WLS: variants seen among roughly 807,000 people sequenced by gnomAD.
WLS encodes protein wntless homolog.
WLS carries 23 observed loss-of-function variants against 62.8 expected under a neutral mutation model. The observed-to-expected ratio is 0.37, with a 90% CI of 0.26 to 0.52. The LOEUF is 0.52. Ranked by LOEUF, WLS falls within the 20% of genes least tolerant of loss-of-function variation. The probability of loss-of-function intolerance (pLI) is 0.92; values close to 1 mark genes in which losing one functional copy is unlikely to be tolerated. For synonymous variants in WLS, 246 were observed against 244.1 expected, an observed-to-expected ratio of 1.01 and a Z score of -0.07; for missense variants, 615 against 697.3, an observed-to-expected ratio of 0.88 and a Z score of 1.33.
intron 11 of WLS, among the ~76,000 whole-genome samples, chr1:68,104,505 TATG>T (rs1222630444): frequency 2.4e-5 from 3 of 127,040 alleles, no homozygotes; most frequent in African/African-American, 8.3e-5. Flanking sequence ...TGCAATATCA[TATG>T]ATCCCTCCTA....
chr1:68,121,906 C>T (rs1338171465), downstream of WLS, among the ~76,000 whole-genome samples: 1 of 152,150 alleles, frequency 6.6e-6, no homozygotes, highest in Non-Finnish European at 1.5e-5. Flanking sequence ...CAGGGTTAGG[C>T]CATTATCTCT....
chr1:68,133,776 C>T (rs1387492689), intron 11 of WLS, among the ~76,000 whole-genome samples: 1 of 152,190 alleles, frequency 6.6e-6, no homozygotes, highest in Non-Finnish European at 1.5e-5. Context: ...TTCCTTCCTA[C>T]CCACTTCTAC....
chr1:68,228,575 G>A (rs1290109118), intron 1 of WLS, among the ~76,000 whole-genome samples: 1 of 151,900 alleles, frequency 6.6e-6, no homozygotes, highest in Admixed American at 6.6e-5. Context: ...TTTTTAAGGA[G>A]GATAAAGTTA....
At chr1:68,099,972 A>T (rs1646055823) in intron 11 of WLS, among the ~76,000 whole-genome samples, 1 of 152,238 alleles carries the variant, frequency 6.6e-6, no homozygotes. Flanking sequence ...GTGCACATAA[A>T]GTTCTTAGGA....
At chr1:68,173,784 G>T (rs1647189668) in intron 2 of WLS, among the ~76,000 whole-genome samples, 1 of 152,096 alleles carries the variant, frequency 6.6e-6, no homozygotes, top group Admixed American at 6.5e-5. Context: ...GCAATATTAG[G>T]CAGCAGGGCC....
chr1:68,116,465 G>A (rs1298471995), intron 11 of WLS, among the ~76,000 whole-genome samples: 3 of 152,228 alleles, frequency 2.0e-5, no homozygotes, highest in African/African-American at 7.2e-5. Context: ...GACAGGCGCA[G>A]CAGGAGCTAA....
At chr1:68,227,405 CAAAAA>C (rs59704442) in intron 1 of WLS, among the ~76,000 whole-genome samples, 90 of 112,802 alleles carry the variant, frequency 8.0e-4, no homozygotes, top group East Asian at 3.0e-3. Flanking sequence ...GACTCCGTCA[CAAAAA>C]AAAAAAAAAA....
Position 68,125,981 on chromosome 1 carries a change from C to A in WLS, c.*245G>T. 3 of 1,240,346 alleles carry A rather than the reference C, an allele frequency of 2.4e-6. No individual in the cohort carries two copies. Among genetic ancestry groups the A allele is most frequent in the Non-Finnish European group, 2.0e-6 (2 of 983,586 alleles). 76.8% of individuals were successfully genotyped at this position (1,240,346 alleles called of 1,614,324 possible). A position where few individuals can be genotyped will look rare whatever the true frequency, so the allele number is the denominator to read the frequency against. On this transcript the variant is annotated 3_prime_UTR_variant, in exon 12 of 12. Transcript: ENST00000262348. ...TACTATGTCACTAATTAACAATGAT[C>A]ACAGAAAATGTGTCATACCAGAGTT...
intron 2 of WLS, among the ~76,000 whole-genome samples, chr1:68,181,305 T>C (rs950706836): frequency 1.3e-5 from 2 of 152,380 alleles, no homozygotes; most frequent in African/African-American, 2.4e-5. Flanking sequence ...TTCTGGCTTC[T>C]CTGCTCTTCA....
chr1:68,150,800 C>T (rs1646815392), intron 5 of WLS, among the ~76,000 whole-genome samples: 1 of 152,176 alleles, frequency 6.6e-6, no homozygotes. Flanking sequence ...TACATGACTC[C>T]AAACACATTT....
At chr1:68,139,171 A>G (rs1003039701) in intron 10 of WLS, among the ~76,000 whole-genome samples, 1 of 152,196 alleles carries the variant, frequency 6.6e-6, no homozygotes, top group Non-Finnish European at 1.5e-5. Context: ...ACAAACCACT[A>G]TTATGAACTC....
At chr1:68,226,466 T>G (rs1012561102) in intron 1 of WLS, among the ~76,000 whole-genome samples, 12 of 152,204 alleles carry the variant, frequency 7.9e-5, no homozygotes, top group African/African-American at 2.4e-4. Context: ...TGTTAAACAT[T>G]TTATCATTTT....
chr1:68,139,651 T>C (rs536589887), intron 10 of WLS, among the ~76,000 whole-genome samples: 1 of 152,340 alleles, frequency 6.6e-6, no homozygotes, highest in African/African-American at 2.4e-5. Context: ...ATACTCAATA[T>C]TGACAATTTT....
chr1:68,191,430 A>G (rs1181701502), intron 2 of WLS, among the ~76,000 whole-genome samples: 2 of 152,176 alleles, frequency 1.3e-5, no homozygotes, highest in Non-Finnish European at 2.9e-5. Flanking sequence ...ATTTTTAGAC[A>G]TACAGTTTTG....
intron 1 of WLS, among the ~76,000 whole-genome samples, chr1:68,203,532 A>T (rs559051651): frequency 6.6e-6 from 1 of 152,336 alleles, no homozygotes; most frequent in Non-Finnish European, 1.5e-5. Flanking sequence ...TACCTCTAAG[A>T]CTTCCATAAA....
At chr1:68,115,265 G>T (rs913153379) in intron 11 of WLS, among the ~76,000 whole-genome samples, 8 of 152,190 alleles carry the variant, frequency 5.3e-5, no homozygotes, top group African/African-American at 1.9e-4. Context: ...AAGAAGATCT[G>T]TTGCTTCCAG....
chr1:68,165,645 G>A (rs1317240682), intron 2 of WLS, among the ~76,000 whole-genome samples: 2 of 152,232 alleles, frequency 1.3e-5, no homozygotes, highest in Middle Eastern at 3.4e-3. Context: ...GTAGAAGCAC[G>A]CAAGGCCCCT....
chr1:68,138,087 A>G, intron 10 of WLS, 154 bp from the exon 11 acceptor site: 1 of 882,746 alleles, frequency 1.1e-6, no homozygotes, highest in South Asian at 1.8e-5. Context: ...AATCTGAATC[A>G]TTTCGGTGTA....
chr1:68,230,053 A>G (rs1260791384), intron 1 of WLS, among the ~76,000 whole-genome samples: 1 of 152,106 alleles, frequency 6.6e-6, no homozygotes, highest in Non-Finnish European at 1.5e-5. Flanking sequence ...CTGACCCTAT[A>G]GTCGCTCCAA....
Sources: allele counts gnomAD v4.1 joint callset (sites outside exome capture counted in the v4.1 genomes callset), GRCh38; gene constraint gnomAD v4.1.1; transcripts MANE v1.5; gene names NCBI Gene and HGNC (gene_info 2026-07-23, HGNC 2026-07-21).